KIF25: variants seen among roughly 807,000 people sequenced by gnomAD.
The protein encoded by KIF25 is kinesin family member 25.
In KIF25, 19 loss-of-function variants were observed where a neutral mutation model predicts 32.9. The observed-to-expected ratio is 0.58, with a 90% CI of 0.40 to 0.85. The LOEUF (loss-of-function observed/expected upper bound fraction) is 0.85. KIF25 is among the 40% of genes least tolerant of loss of function. The pLI, the probability that KIF25 is intolerant of heterozygous loss-of-function variation, is 0.00. For synonymous variants in KIF25, 225 were observed against 213.7 expected (o/e 1.05, Z -0.46); for missense variants, 485 against 507.0 (o/e 0.96, Z 0.42).
Position 168,030,815 on chromosome 6 carries a change from T to G in KIF25, c.135T>G (p.Asp45Glu). 6.2e-7 allele frequency: 1 copy of G among 1,613,644 alleles called. No homozygotes were observed. Among genetic ancestry groups the G allele is most frequent in the Non-Finnish European group, 8.5e-7 (1 of 1,179,800 alleles). The change falls in exon 7 of 13, where the codon GAT becomes GAG. Residue 45 changes from aspartate (D) to glutamate (E), a missense_variant. This residue lies in a region of KIF25 where 480 missense variants were observed against 470.3 expected (regional missense o/e 1.02). Transcript: ENST00000643607. ...PAESQSAVFG[D>E]VCPLLTSLLD... is the part of the protein sequence containing the mutation. The stretch of plus-strand genomic sequence containing the variant: ...AGTCTCAGAGCGCGGTCTTTGGAGA[T>G]GTGTGCCCCCTACTCACTTCTCTCT...
Position 168,040,056 on chromosome 6 carries a change from T to G in KIF25, c.495-9T>G, listed in dbSNP as rs1185390253. On this transcript the variant is annotated splice_polypyrimidine_tract_variant and intron_variant, in intron 9 of 12. Transcript: ENST00000643607. ...TCACTGTGTTCCCCACTGCTTGCCT[T>G]GTCTGTAGGGCTGTCGGCAGCGCCT... The G allele has an allele frequency of 2.5e-6, 4 of 1,607,316 alleles. No homozygotes were observed. Among genetic ancestry groups the G allele is most frequent in the Non-Finnish European group, 3.4e-6 (4 of 1,175,686 alleles).
intron 5 of KIF25, among the ~76,000 whole-genome samples, chr6:168,027,902 C>T (rs182067329): frequency 1.8e-4 from 28 of 152,284 alleles, no homozygotes; most frequent in Non-Finnish European, 1.5e-5. Flanking sequence ...TCTAGGAGCA[C>T]TTGATAGAAC....
At chr6:168,000,369 C>T (rs1798482720) in intron 2 of KIF25, among the ~76,000 whole-genome samples, 1 of 121,370 alleles carries the variant, frequency 8.2e-6, no homozygotes, top group Non-Finnish European at 1.7e-5. Context: ...CCCATCCCGA[C>T]CACGCCTGAC....
intron 2 of KIF25, among the ~76,000 whole-genome samples, chr6:168,001,195 C>T (rs572968500): frequency 2.4e-4 from 37 of 152,264 alleles, no homozygotes; most frequent in Admixed American, 2.0e-3. Flanking sequence ...GAAGTGTTTC[C>T]GATGTTGAAT....
In KIF25 at chr6:168,045,035, G is replaced by A. The variant is rs1583150825; in HGVS notation, c.*39G>A. Reference sequence around the variant, plus strand: ...TTTTTCTCCTAAAACTGTGTTTCTTGTCCTTGCTTTATAATGCATATGTGC... The same window carrying A: ...TTTTTCTCCTAAAACTGTGTTTCTTATCCTTGCTTTATAATGCATATGTGC... On this transcript the variant is annotated 3_prime_UTR_variant, in exon 13 of 13. Coordinates refer to ENST00000643607, the MANE Select transcript of KIF25 (RefSeq NM_030615.4). 6.4e-7 allele frequency: 1 copy of A among 1,551,314 alleles called. No individual in the cohort carries two copies. The highest frequency in any genetic ancestry group is 8.7e-7 in the Non-Finnish European group (1 of 1,143,976).
intron 12 of KIF25, 105 bp from the exon 13 acceptor site, chr6:168,044,722 C>T (rs548416355): frequency 2.6e-5 from 31 of 1,192,106 alleles, no homozygotes; most frequent in Admixed American, 2.3e-4. Context: ...GGGCGCCGGG[C>T]GGCCCTCTCT....
chr6:168,031,846 T>C (rs1487573140), intron 7 of KIF25, among the ~76,000 whole-genome samples: 1 of 152,098 alleles, frequency 6.6e-6, no homozygotes, highest in Non-Finnish European at 1.5e-5. Context: ...CTGTAAAATA[T>C]TGGGAGAGAT....
At chr6:168,004,111 G>A (rs117750602) in intron 4 of KIF25, among the ~76,000 whole-genome samples, 87 of 152,304 alleles carry the variant, frequency 5.7e-4, no homozygotes, top group East Asian at 2.7e-3. Context: ...CGAAAAGGCC[G>A]AGAAGTCAGA....
intron 5 of KIF25, among the ~76,000 whole-genome samples, chr6:168,027,146 A>G (rs1388117124): frequency 6.6e-6 from 1 of 152,120 alleles, no homozygotes. Flanking sequence ...CCAGGAGTTA[A>G]CCAGGCATAG....
intron 12 of KIF25, among the ~76,000 whole-genome samples, chr6:168,043,841 A>G (rs1799169364): frequency 6.6e-6 from 1 of 152,130 alleles, no homozygotes; most frequent in Non-Finnish European, 1.5e-5. Context: ...TTTGGTTTTC[A>G]TCTGTAATTC....
intron 5 of KIF25, among the ~76,000 whole-genome samples, chr6:168,024,028 A>C (rs1298590565): frequency 6.6e-6 from 1 of 152,254 alleles, no homozygotes; most frequent in African/African-American, 2.4e-5. Flanking sequence ...TGAATACTCA[A>C]GAAAATTTTC....
intron 8 of KIF25, among the ~76,000 whole-genome samples, chr6:168,035,183 CG>C (rs1484161260): frequency 6.6e-6 from 1 of 151,600 alleles, no homozygotes; most frequent in South Asian, 2.1e-4. Flanking sequence ...TCTGTGAGAG[CG>C]GGGACACCAC....
chr6:168,032,154 T>A (rs1798950627), intron 7 of KIF25, among the ~76,000 whole-genome samples: 1 of 152,150 alleles, frequency 6.6e-6, no homozygotes, highest in Non-Finnish European at 1.5e-5. Flanking sequence ...GGCTGCAGGG[T>A]ATCGTGAGGC....
chr6:168,026,327 A>G (rs998547467), intron 5 of KIF25, among the ~76,000 whole-genome samples: 7 of 152,194 alleles, frequency 4.6e-5, no homozygotes, highest in Non-Finnish European at 1.0e-4. Flanking sequence ...GGAAACATCA[A>G]AATTGTGCTG....
At chr6:168,024,614 G>A (rs1034360971) in intron 5 of KIF25, among the ~76,000 whole-genome samples, 8 of 151,852 alleles carry the variant, frequency 5.3e-5, no homozygotes, top group African/African-American at 1.9e-4. Flanking sequence ...GCAGAATAAG[G>A]TGAAGCAATC....
At chr6:168,037,006 G>A (rs193298650) in intron 8 of KIF25, among the ~76,000 whole-genome samples, 77 of 152,308 alleles carry the variant, frequency 5.1e-4, no homozygotes, top group Non-Finnish European at 8.7e-4. Context: ...AGGTTGCAGT[G>A]AGCCGAGAAT....
rs1404043487 is a variant in KIF25, at chr6:167,998,692, T to C, written c.-777T>C. 1 of 152,206 alleles carries C rather than the reference T, an allele frequency of 6.6e-6. No homozygotes were observed. Among genetic ancestry groups the C allele is most frequent in the Admixed American group, 6.5e-5 (1 of 15,282 alleles). The allele number at this position is 152,206 out of a possible 1,614,324, so 9.4% of individuals were successfully genotyped here. ...CATTCAAAGGGATTTTCCTTGGTACTTATTACCAAGGGATACCCCTTTGCC... is the reference window on the plus strand; with the variant it reads ...CATTCAAAGGGATTTTCCTTGGTACCTATTACCAAGGGATACCCCTTTGCC... On this transcript the variant is annotated 5_prime_UTR_variant, in exon 1 of 13. Transcript: ENST00000643607.
chr6:168,035,146 C>G (rs1487989470), intron 8 of KIF25, among the ~76,000 whole-genome samples: 1 of 151,734 alleles, frequency 6.6e-6, no homozygotes, highest in African/African-American at 2.4e-5. Context: ...GTGGGAGTTT[C>G]AAGACCCCCC....
chr6:168,012,059 T>G (rs1798654438), intron 4 of KIF25, among the ~76,000 whole-genome samples: 1 of 151,734 alleles, frequency 6.6e-6, no homozygotes, highest in Non-Finnish European at 1.5e-5. Flanking sequence ...TTCTGTCTCT[T>G]TATTGTATTT....
Sources: allele counts gnomAD v4.1 joint callset (sites outside exome capture counted in the v4.1 genomes callset), GRCh38; gene constraint gnomAD v4.1.1; regional missense constraint gnomAD v4.1.1; transcripts MANE v1.5; gene names NCBI Gene and HGNC (gene_info 2026-07-23, HGNC 2026-07-21).